TBC1D31: variants seen among roughly 807,000 people sequenced by gnomAD.
TBC1D31 encodes the protein WD repeat domain 67.
A neutral mutation model predicts 132.9 loss-of-function variants in TBC1D31; 99 were observed. The observed-to-expected ratio is 0.74, with a 90% CI of 0.63 to 0.88. The LOEUF is 0.88. TBC1D31 is among the 40% of genes least tolerant of loss of function. The pLI is 0.00. For synonymous variants in TBC1D31, 385 were observed against 419.4 expected (o/e 0.92, Z 1.00); for missense variants, 1,134 against 1,256.6 (o/e 0.90, Z 1.48).
Position 123,093,650 on chromosome 8 carries a change from T to C in TBC1D31, c.579T>C (p.Phe193=). The change falls in exon 5 of 22, where the codon TTT becomes TTC. Residue 193 remains phenylalanine (F), a synonymous_variant. Coordinates refer to ENST00000287380, the MANE Select transcript of TBC1D31 (RefSeq NM_145647.4). ...ILSCFKDNSI[F]AWECDTLFCK... ...GCTGTTTTAAAGATAATTCCATTTT[T>C]GCCTGGGAATGTGACACACTTTTTT... 4 of 1,611,450 alleles carry C rather than the reference T, an allele frequency of 2.5e-6. No individual in the cohort carries two copies. The highest frequency in any genetic ancestry group is 3.4e-6 in the Non-Finnish European group (4 of 1,178,048).
chr8:123,079,169 G>A (rs1377622718), intron 2 of TBC1D31, among the ~76,000 whole-genome samples: 1 of 152,208 alleles, frequency 6.6e-6, no homozygotes, highest in Non-Finnish European at 1.5e-5. Flanking sequence ...CCTAATCTGA[G>A]GGGGATGAAA....
chr8:123,144,606 A>G (rs1822006110), intron 19 of TBC1D31, 111 bp from the exon 20 acceptor site: 2 of 1,048,904 alleles, frequency 1.9e-6, no homozygotes, highest in Non-Finnish European at 2.7e-6. Context: ...CCTACTTGCC[A>G]TGGGAATATA....
intron 19 of TBC1D31, among the ~76,000 whole-genome samples, chr8:123,143,224 A>G (rs1821875705): frequency 6.6e-6 from 1 of 152,198 alleles, no homozygotes; most frequent in Non-Finnish European, 1.5e-5. Flanking sequence ...TCTTTCCAGG[A>G]GTTCCATATC....
chr8:123,087,196 A>G (rs1356697332), intron 4 of TBC1D31, among the ~76,000 whole-genome samples: 3 of 152,216 alleles, frequency 2.0e-5, no homozygotes, highest in African/African-American at 7.2e-5. Context: ...AGGTTGTTTT[A>G]GTCCAAGGAA....
In TBC1D31 at chr8:123,084,198, A is replaced by C; in HGVS notation, c.377A>C (p.Glu126Ala). ...KELVSWMRGH[E>A]SSVFSISVHA... ...CTAGTTAGCTGGATGAGAGGACATG[A>C]ATCATCAGTATTTTCGATCTCTGTG... The change falls in exon 4 of 22, where the codon GAA (glutamate) becomes GCA (alanine). Residue 126 changes from glutamate (E) to alanine (A), a missense_variant. Glu to Ala is a moderately radical substitution (Grantham distance 107, BLOSUM62 -1). Coordinates refer to ENST00000287380, the MANE Select transcript of TBC1D31 (RefSeq NM_145647.4). 3 of 1,614,202 alleles carry C rather than the reference A, an allele frequency of 1.9e-6. No individual in the cohort carries two copies. Among genetic ancestry groups the C allele is most frequent in the Non-Finnish European group, 2.5e-6 (3 of 1,180,026 alleles).
Position 123,120,199 on chromosome 8 carries a change from A to G in TBC1D31, c.1570+11A>G. On this transcript the variant is annotated intron_variant, in intron 11 of 21. Transcript: ENST00000287380. Reference sequence around the variant, plus strand: ...TTGCTACTCTCATAAGTAAGTAAATACTTGTTAAAGTATAAGATCAAGAAT... The same window carrying G: ...TTGCTACTCTCATAAGTAAGTAAATGCTTGTTAAAGTATAAGATCAAGAAT... 6.3e-7 allele frequency: 1 copy of G among 1,588,712 alleles called. No homozygotes were observed.
intron 8 of TBC1D31, 74 bp downstream of exon 8, chr8:123,105,538 A>G (rs188251497): frequency 9.1e-6 from 11 of 1,214,430 alleles, no homozygotes; most frequent in Non-Finnish European, 1.3e-5. Flanking sequence ...AGCCATCACC[A>G]CTCTTCTCTC....
At chr8:123,120,428 T>C (rs1322605412) in intron 11 of TBC1D31, among the ~76,000 whole-genome samples, 1 of 152,178 alleles carries the variant, frequency 6.6e-6, no homozygotes, top group African/African-American at 2.4e-5. Context: ...TCCCAGCACT[T>C]TGGGAGGCTG....
the TBC1D31 span, among the ~76,000 whole-genome samples, chr8:123,159,284 G>A: frequency 0.69 from 91,325 of 131,730 alleles, 29,489 homozygotes; most frequent in East Asian, 0.78. Flanking sequence ...AAAAAAAAAA[G>A]AAAAAGAAAA....
At chr8:123,142,144 A>C (rs892152485) in intron 18 of TBC1D31, 118 bp from the exon 19 acceptor site, 5 of 644,556 alleles carry the variant, frequency 7.8e-6, no homozygotes, top group Non-Finnish European at 1.2e-5. Context: ...GGTGATTCTA[A>C]TATGCAGCCA....
At chr8:123,093,969 T>C (rs1257867967) in intron 5 of TBC1D31, among the ~76,000 whole-genome samples, 3 of 151,976 alleles carry the variant, frequency 2.0e-5, no homozygotes, top group Non-Finnish European at 4.4e-5. Context: ...TTTTTGTTTG[T>C]GTGTGTGTGT....
intron 10 of TBC1D31, among the ~76,000 whole-genome samples, chr8:123,114,001 A>G (rs1818690263): frequency 6.6e-6 from 1 of 152,166 alleles, no homozygotes; most frequent in African/African-American, 2.4e-5. Flanking sequence ...AAACAATACT[A>G]CAAAATAATT....
chr8:123,100,584 T>C (rs1056019278), intron 6 of TBC1D31, among the ~76,000 whole-genome samples: 4 of 149,666 alleles, frequency 2.7e-5, no homozygotes, highest in East Asian at 3.9e-4. Flanking sequence ...CTCAAAACAA[T>C]AATAATAATA....
Position 123,126,696 on chromosome 8 carries a change from C to T in TBC1D31, c.1884+9C>T, listed in dbSNP as rs73339621. 0.08 allele frequency: 126,750 copies of T among 1,589,374 alleles called. 5,868 individuals are homozygous for T. The highest frequency in any genetic ancestry group is 0.091 in the Non-Finnish European group (105,898 of 1,170,074). On this transcript the variant is annotated intron_variant, in intron 13 of 21. Transcript: ENST00000287380. ...TTAAAGATGACTTTGAGGTAACGGTCCTTGTTCTTAAGAGAAGGTTCTCAA... is the reference window on the plus strand; with the variant it reads ...TTAAAGATGACTTTGAGGTAACGGTTCTTGTTCTTAAGAGAAGGTTCTCAA...
the TBC1D31 span, among the ~76,000 whole-genome samples, chr8:123,157,329 A>T: frequency 1.6e-4 from 24 of 152,174 alleles, no homozygotes; most frequent in African/African-American, 4.6e-4. Flanking sequence ...CGGACGGATC[A>T]TTCTGAGGCT....
intron 7 of TBC1D31, chr8:123,102,247 G>A: frequency 2.2e-6 from 1 of 456,618 alleles, no homozygotes; most frequent in Non-Finnish European, 4.4e-6. Context: ...TTTTACACAG[G>A]AAGAAGTTCG....
At chr8:123,145,890 G>A (rs1191586625) in intron 20 of TBC1D31, among the ~76,000 whole-genome samples, 2 of 121,730 alleles carry the variant, frequency 1.6e-5, no homozygotes, top group African/African-American at 6.4e-5. Context: ...TTTTTTTTGA[G>A]ACAGAGTTTC....
chr8:123,117,481 G>A (rs555876213), intron 10 of TBC1D31, among the ~76,000 whole-genome samples: 8 of 151,828 alleles, frequency 5.3e-5, no homozygotes, highest in East Asian at 2.0e-4. Context: ...TACACCAGGC[G>A]TGGTGGCTCA....
chr8:123,146,927 T>C (rs1324210172), intron 20 of TBC1D31, among the ~76,000 whole-genome samples: 1 of 151,980 alleles, frequency 6.6e-6, no homozygotes, highest in Non-Finnish European at 1.5e-5. Context: ...TCTGGCCACT[T>C]TGACCTCCCA....
Sources: allele counts gnomAD v4.1 joint callset (sites outside exome capture counted in the v4.1 genomes callset), GRCh38; gene constraint gnomAD v4.1.1; transcripts MANE v1.5; gene names NCBI Gene and HGNC (gene_info 2026-07-23, HGNC 2026-07-21).